Variants in PNPLA4 observed in about 807,000 individuals in gnomAD.
PNPLA4 encodes patatin like domain 4, phospholipase and triacylglycerol lipase, also known as patatin-like phospholipase domain-containing protein 4.
In PNPLA4, 15 loss-of-function variants were observed where a neutral mutation model predicts 18.3. That is an observed-to-expected ratio of 0.82 (90% CI 0.55 to 1.26). PNPLA4 has a LOEUF of 1.26. PNPLA4 is among the 50% of genes most tolerant of loss of function. The probability of loss-of-function intolerance (pLI) is 0.00; values close to 1 mark genes in which losing one functional copy is unlikely to be tolerated. For synonymous variants in PNPLA4, 88 were observed against 85.6 expected (o/e 1.03, Z -0.16); for missense variants, 229 against 196.8 (o/e 1.16, Z -0.98).
At chrX:7,903,689 ATAAAAG>A (rs1449029295) in intron 5 of PNPLA4, among the ~76,000 whole-genome samples, 2 of 112,070 alleles carry the variant, frequency 1.8e-5, no homozygotes, top group Non-Finnish European at 3.8e-5. Flanking sequence ...TCCAAAGGAA[ATAAAAG>A]TAAATAAATA....
At chrX:7,902,728 G>A (rs1419977523) in intron 5 of PNPLA4, among the ~76,000 whole-genome samples, 5 of 111,760 alleles carry the variant, frequency 4.5e-5, no homozygotes, top group African/African-American at 1.6e-4. Flanking sequence ...TGGAGAAGGC[G>A]GAGGACAGAA....
chrX:7,900,694 A>C lies in PNPLA4; in HGVS notation c.754T>G (p.Phe252Val), dbSNP rs773519163. ...ATAAACTTTTATGCATTTTATTCAA[A>C]CCAATTTTCTTTAAGTAAAAACTTA... is the stretch of plus-strand genomic sequence containing the variant. ...TVKFLLKENW[F>V]E The change falls in exon 7 of 7, where the codon TTT (phenylalanine) becomes GTT (valine). Residue 252 changes from phenylalanine (F) to valine (V), a missense_variant. Transcript: ENST00000381042. The C allele has an allele frequency of 4.6e-5, 53 of 1,148,899 alleles. No homozygotes were observed. The highest frequency in any genetic ancestry group is 5.9e-5 in the Non-Finnish European group (50 of 851,507). 94.7% of individuals were successfully genotyped at this position (1,148,899 alleles called of 1,213,427 possible).
Position 7,902,067 on chromosome X carries a change from G to A in PNPLA4, c.552C>T (p.Phe184=), listed in dbSNP as rs1272482006. The change falls in exon 6 of 7, where the codon TTC becomes TTT. Residue 184 remains phenylalanine, a synonymous_variant. Transcript: ENST00000381042. The stretch of plus-strand genomic sequence containing the variant: ...GCGGGGAGATGTCCAGTCGTCCACT[G>A]AAGGGGGAGATGGTTACTGTCCGGC... ...PVGRTVTISP[F]SGRLDISPQD... 1 of 1,206,868 alleles carries A rather than the reference G, an allele frequency of 8.3e-7. No homozygotes were observed. The highest frequency in any genetic ancestry group is 1.8e-5 in the African/African-American group (1 of 56,948).
intron 4 of PNPLA4, among the ~76,000 whole-genome samples, chrX:7,919,668 G>A (rs1924152246): frequency 8.9e-6 from 1 of 112,131 alleles, no homozygotes; most frequent in African/African-American, 3.2e-5. Context: ...GGTTATATCT[G>A]GACAGGTTCT....
chrX:7,923,528 T>C (rs1489655411), intron 2 of PNPLA4, among the ~76,000 whole-genome samples: 1 of 112,018 alleles, frequency 8.9e-6, no homozygotes, highest in Non-Finnish European at 1.9e-5. Context: ...TTTAAGCCAC[T>C]ACGCTGAAGG....
At chrX:7,912,145 G>C (rs1401669147) in intron 4 of PNPLA4, 52 bp from the exon 5 acceptor site, 25 of 930,240 alleles carry the variant, frequency 2.7e-5, no homozygotes, top group Non-Finnish European at 3.7e-5. Flanking sequence ...TGAACATTCA[G>C]ACAATACAGT....
chrX:7,927,260 C>T (rs1239272095), intron 1 of PNPLA4, 26 bp downstream of exon 1: 1 of 113,428 alleles, frequency 8.8e-6, no homozygotes, highest in Non-Finnish European at 1.9e-5. Flanking sequence ...AGGAGCACAC[C>T]CTTGCTGGGC....
At chrX:7,924,978 G>T (rs1422920386) in intron 2 of PNPLA4, among the ~76,000 whole-genome samples, 1 of 111,900 alleles carries the variant, frequency 8.9e-6, no homozygotes, top group Non-Finnish European at 1.9e-5. Context: ...TGCTAGTTTA[G>T]GGGGAATTTT....
At chrX:7,913,723 A>C (rs1362866290) in intron 4 of PNPLA4, among the ~76,000 whole-genome samples, 2 of 112,811 alleles carry the variant, frequency 1.8e-5, no homozygotes, top group African/African-American at 6.4e-5. Flanking sequence ...CAGAGCATTA[A>C]ACCAATGGTG....
intron 4 of PNPLA4, among the ~76,000 whole-genome samples, chrX:7,913,773 T>C (rs1177244927): frequency 4.4e-5 from 5 of 112,724 alleles, no homozygotes; most frequent in African/African-American, 1.3e-4. Context: ...AATGCACAGG[T>C]CATACATTCA....
intron 6 of PNPLA4, among the ~76,000 whole-genome samples, chrX:7,901,226 T>C (rs1302871334): frequency 1.8e-5 from 2 of 111,980 alleles, no homozygotes; most frequent in African/African-American, 3.2e-5. Flanking sequence ...CCTAAGTTTT[T>C]CTCCACTATT....
chrX:7,904,451 G>A (rs1050066644), intron 5 of PNPLA4, among the ~76,000 whole-genome samples: 5 of 111,648 alleles, frequency 4.5e-5, no homozygotes. Context: ...AATGATACCG[G>A]CTCCTTCACA....
At chrX:7,919,417 A>G (rs1408124136) in intron 4 of PNPLA4, among the ~76,000 whole-genome samples, 1 of 112,205 alleles carries the variant, frequency 8.9e-6, no homozygotes, top group East Asian at 2.8e-4. Flanking sequence ...CATAGGTTAA[A>G]GGGCAGATGC....
intron 4 of PNPLA4, among the ~76,000 whole-genome samples, chrX:7,919,931 T>C (rs772144155): frequency 1.3e-4 from 15 of 111,655 alleles, no homozygotes; most frequent in Non-Finnish European, 1.7e-4. Flanking sequence ...CAACCTTGGT[T>C]CATATCCATT....
rs1403406643 is a variant in PNPLA4, at chrX:7,926,459, TTTCTC to T, written c.-13-332_-13-328del. ...TCCAGTTGACAAGGGCATTTGGTCT[TTTCTC>T]TTGACCCTTTGAAACGTTTTGCGGG... On this transcript the variant is annotated intron_variant, in intron 1 of 6. Coordinates refer to ENST00000381042, the MANE Select transcript of PNPLA4 (RefSeq NM_004650.3). Among the ~76,000 whole-genome samples the T allele has an allele frequency of 3.6e-5, 4 of 112,332 alleles. No homozygotes were observed. In the Admixed American group the frequency reaches 3.7e-4, roughly 11 times the overall value.
chrX:7,906,601 C>T (rs1408419385), intron 5 of PNPLA4, among the ~76,000 whole-genome samples: 8 of 112,237 alleles, frequency 7.1e-5, no homozygotes, highest in African/African-American at 9.7e-5. Flanking sequence ...AGAATAAGAG[C>T]GTCTATTTCA....
intron 4 of PNPLA4, among the ~76,000 whole-genome samples, chrX:7,918,946 A>G (rs1924129461): frequency 1.8e-5 from 2 of 112,237 alleles, no homozygotes; most frequent in African/African-American, 6.5e-5. Flanking sequence ...GATAATCACC[A>G]TCTGCTATCA....
rs1386540704 is a variant in PNPLA4, at chrX:7,898,818, T to C, written c.*1868A>G. 1 of 111,702 alleles carries C rather than the reference T, an allele frequency of 9.0e-6. No homozygotes were observed. The highest frequency in any genetic ancestry group is 9.5e-5 in the Admixed American group (1 of 10,536). The allele number at this position is 111,702 out of a possible 1,213,427, so 9.2% of individuals were successfully genotyped here. On this transcript the variant is annotated 3_prime_UTR_variant, in exon 7 of 7. Coordinates refer to ENST00000381042, the MANE Select transcript of PNPLA4 (RefSeq NM_004650.3). ...ATCCTCCCACAGGGTCAAATACATA[T>C]GTAGTCGATACAAGATACTTCAAAA...
chrX:7,906,227 A>G (rs1923700592), intron 5 of PNPLA4, among the ~76,000 whole-genome samples: 3 of 112,459 alleles, frequency 2.7e-5, no homozygotes, highest in Admixed American at 9.4e-5. Flanking sequence ...GGAGAGGGAA[A>G]GAGACAAAGA....
Sources: allele counts gnomAD v4.1 joint callset (sites outside exome capture counted in the v4.1 genomes callset), GRCh38; gene constraint gnomAD v4.1.1; transcripts MANE v1.5; gene names NCBI Gene and HGNC (gene_info 2026-07-23, HGNC 2026-07-21).